Variants in GPR137C observed in about 807,000 individuals in gnomAD.
GPR137C encodes integral membrane protein GPR137C.
In GPR137C, 27 loss-of-function variants were observed where a neutral mutation model predicts 43.4. The ratio of observed to expected loss-of-function variants is 0.62; its 90% confidence interval spans 0.46 to 0.86. GPR137C has a LOEUF of 0.86. GPR137C is among the 40% of genes least tolerant of loss of function. The pLI, the probability that GPR137C is intolerant of heterozygous loss-of-function variation, is 0.00. For missense variants in GPR137C, 522 were observed against 534.6 expected, an observed-to-expected ratio of 0.98 and a Z score of 0.23; for synonymous variants, 285 against 226.9, an observed-to-expected ratio of 1.26 and a Z score of -2.30.
intron 2 of GPR137C, among the ~76,000 whole-genome samples, chr14:52,599,259 G>A (rs2038894377): frequency 6.6e-6 from 1 of 152,120 alleles, no homozygotes; most frequent in Non-Finnish European, 1.5e-5. Flanking sequence ...TGCTCTTCAT[G>A]CACAGTAAAT....
At chr14:52,592,212 GT>G (rs2038793533) in intron 1 of GPR137C, among the ~76,000 whole-genome samples, 1 of 152,170 alleles carries the variant, frequency 6.6e-6, no homozygotes, top group Non-Finnish European at 1.5e-5. Context: ...GTACCATGCT[GT>G]TTTGGTTACT....
intron 3 of GPR137C, among the ~76,000 whole-genome samples, chr14:52,615,111 G>A (rs113239624): frequency 1.0e-3 from 157 of 152,248 alleles, no homozygotes; most frequent in African/African-American, 3.7e-3. Context: ...TGTTTAATTC[G>A]TTTTGATTTA....
intron 3 of GPR137C, chr14:52,611,983 T>C (rs1050263485): frequency 2.6e-5 from 26 of 985,320 alleles, no homozygotes; most frequent in Admixed American, 6.1e-5. Flanking sequence ...AAAAATCCTT[T>C]CATTACCCAT....
intron 1 of GPR137C, among the ~76,000 whole-genome samples, chr14:52,585,432 C>T (rs1393327678): frequency 6.6e-6 from 1 of 152,192 alleles, no homozygotes; most frequent in Admixed American, 6.5e-5. Flanking sequence ...TCTTCTACTT[C>T]GCCCTCTATT....
chr14:52,624,805 A>C (rs2039203142), intron 3 of GPR137C, among the ~76,000 whole-genome samples: 1 of 152,158 alleles, frequency 6.6e-6, no homozygotes, highest in African/African-American at 2.4e-5. Flanking sequence ...ATTAAAGCCA[A>C]AAGTTGATTC....
At chr14:52,606,236 A>G (rs80031140) in intron 3 of GPR137C, among the ~76,000 whole-genome samples, 9 of 152,140 alleles carry the variant, frequency 5.9e-5, no homozygotes, top group African/African-American at 2.2e-4. Flanking sequence ...TTATTGATGT[A>G]TTCAGGTTTT....
intron 1 of GPR137C, among the ~76,000 whole-genome samples, chr14:52,588,539 T>C (rs575444054): frequency 2.0e-5 from 3 of 152,346 alleles, no homozygotes; most frequent in Admixed American, 2.0e-4. Context: ...TCATCACTTC[T>C]GTGGTAATCC....
At chr14:52,553,698 A>T (rs1349036251) in intron 1 of GPR137C, 107 bp downstream of exon 1, 2 of 887,410 alleles carry the variant, frequency 2.3e-6, no homozygotes, top group Non-Finnish European at 3.4e-6. Context: ...CGAGAGGCGG[A>T]CTGGAAACCA....
intron 1 of GPR137C, among the ~76,000 whole-genome samples, chr14:52,596,681 G>T (rs539502002): frequency 6.6e-6 from 1 of 152,358 alleles, no homozygotes; most frequent in Non-Finnish European, 1.5e-5. Context: ...TGTGGGAAAA[G>T]TGCAGTATTT....
intron 1 of GPR137C, among the ~76,000 whole-genome samples, chr14:52,561,226 T>C (rs921293651): frequency 2.6e-5 from 4 of 152,228 alleles, no homozygotes; most frequent in African/African-American, 9.6e-5. Context: ...TAATTGGAAC[T>C]CCTACACTGA....
intron 1 of GPR137C, among the ~76,000 whole-genome samples, chr14:52,580,566 G>T (rs1228649393): frequency 6.6e-6 from 1 of 151,792 alleles, no homozygotes; most frequent in South Asian, 2.1e-4. Context: ...GTTTCACCAT[G>T]TTGCCCTGGG....
chr14:52,576,059 A>G (rs1201068726), intron 1 of GPR137C, among the ~76,000 whole-genome samples: 1 of 152,214 alleles, frequency 6.6e-6, no homozygotes, highest in Non-Finnish European at 1.5e-5. Context: ...TCCAGAAGTC[A>G]AACTGATACT....
chr14:52,619,589 C>G (rs576048509), intron 3 of GPR137C, among the ~76,000 whole-genome samples: 1 of 152,230 alleles, frequency 6.6e-6, no homozygotes, highest in South Asian at 2.1e-4. Flanking sequence ...CTTGCTTACA[C>G]TTAGGTTTAT....
intron 3 of GPR137C, among the ~76,000 whole-genome samples, chr14:52,609,909 C>T (rs568060959): frequency 2.6e-5 from 4 of 152,332 alleles, no homozygotes; most frequent in Admixed American, 2.0e-4. Flanking sequence ...GATTCCCCTA[C>T]CACTATCACT....
chr14:52,590,440 A>G (rs1310425188), intron 1 of GPR137C, among the ~76,000 whole-genome samples: 4 of 152,194 alleles, frequency 2.6e-5, no homozygotes, highest in Admixed American at 2.0e-4. Context: ...TTAGTGTAGC[A>G]TAAGTGTACA....
chr14:52,577,183 C>CAAAAAAAAAAAA (rs34249999), intron 1 of GPR137C, among the ~76,000 whole-genome samples: 19 of 41,174 alleles, frequency 4.6e-4, no homozygotes, highest in African/African-American at 2.0e-3. Context: ...TAAGACTCCT[C>CAAAAAAAAAAAA]AAAAAAAAAA....
intron 1 of GPR137C, among the ~76,000 whole-genome samples, chr14:52,592,520 G>T (rs2038797754): frequency 6.6e-6 from 1 of 152,116 alleles, no homozygotes; most frequent in Non-Finnish European, 1.5e-5. Context: ...GCAGTGGTTT[G>T]TAGTTCTCCT....
intron 1 of GPR137C, among the ~76,000 whole-genome samples, chr14:52,596,038 C>T (rs933461615): frequency 6.6e-6 from 1 of 152,114 alleles, no homozygotes; most frequent in Non-Finnish European, 1.5e-5. Flanking sequence ...TGATGCTATT[C>T]CTTTCTGTTT....
At chr14:52,582,387 G>A (rs577219941) in intron 1 of GPR137C, among the ~76,000 whole-genome samples, 34 of 152,166 alleles carry the variant, frequency 2.2e-4, no homozygotes, top group African/African-American at 8.0e-4. Flanking sequence ...TCAAGTCTTG[G>A]GATACTTGTA....
Sources: gnomAD v4.1 joint callset for allele counts (sites outside exome capture counted in the v4.1 genomes callset) on GRCh38, gnomAD v4.1.1 for gene constraint, MANE v1.5 for transcripts, NCBI Gene and HGNC (gene_info 2026-07-23, HGNC 2026-07-21) for gene names.